SCLT1: variants seen among roughly 807,000 people sequenced by gnomAD.
SCLT1 encodes sodium channel and clathrin linker 1.
SCLT1 carries 78 observed loss-of-function variants against 112.8 expected under a neutral mutation model. The ratio of observed to expected loss-of-function variants is 0.69; its 90% confidence interval spans 0.58 to 0.83. The LOEUF (loss-of-function observed/expected upper bound fraction) is 0.83. Among genes scored for constraint, SCLT1 ranks in the 40% least tolerant of loss-of-function variants. The pLI, the probability that SCLT1 is intolerant of heterozygous loss-of-function variation, is 0.00. For missense variants in SCLT1, 747 were observed against 770.4 expected (o/e 0.97, Z 0.36); for synonymous variants, 257 against 254.7 (o/e 1.01, Z -0.09).
chr4:128,996,511 C>G lies in SCLT1; in HGVS notation c.615+1363G>C, dbSNP rs538476672. On this transcript the variant is annotated intron_variant, in intron 8 of 20. Coordinates refer to ENST00000281142, the MANE Select transcript of SCLT1 (RefSeq NM_144643.4). ...AGTTTGATCTTGACTCATACTTGCC[C>G]CCATAACTATGTTCTGAATGCTCTT... Among the ~76,000 whole-genome samples, 17 of 152,072 alleles carry G rather than the reference C, an allele frequency of 1.1e-4. No homozygotes were observed. In the South Asian group the frequency reaches 3.5e-3, roughly 32 times the overall value.
chr4:129,014,182 T>C (rs1285920168), intron 5 of SCLT1, among the ~76,000 whole-genome samples: 1 of 151,968 alleles, frequency 6.6e-6, no homozygotes. Flanking sequence ...TTTTCTATAC[T>C]GGCTATTTTT....
intron 6 of SCLT1, among the ~76,000 whole-genome samples, chr4:129,002,643 C>T (rs1334067338): frequency 6.6e-6 from 1 of 151,766 alleles, no homozygotes; most frequent in Non-Finnish European, 1.5e-5. Flanking sequence ...AGACACTTCT[C>T]AAAAGAAGAT....
chr4:128,883,295 G>A (rs1481844193), downstream of SCLT1, among the ~76,000 whole-genome samples: 1 of 151,942 alleles, frequency 6.6e-6, no homozygotes, highest in Admixed American at 6.6e-5. Context: ...GGAGGAAGCT[G>A]AAGAGATTGC....
At chr4:129,071,863 G>T (rs371786020) in intron 2 of SCLT1, among the ~76,000 whole-genome samples, 32 of 152,038 alleles carry the variant, frequency 2.1e-4, no homozygotes, top group African/African-American at 7.0e-4. Context: ...GTGTACTTTG[G>T]TTTTTTTGTT....
chr4:129,047,067 T>C (rs1420152133), intron 2 of SCLT1, among the ~76,000 whole-genome samples: 1 of 152,118 alleles, frequency 6.6e-6, no homozygotes, highest in Admixed American at 6.6e-5. Context: ...CTCCATTCCA[T>C]AGCTTGTCTT....
chr4:128,884,880 C>T (rs1020734101), intron 20 of SCLT1, among the ~76,000 whole-genome samples: 1 of 152,156 alleles, frequency 6.6e-6, no homozygotes, highest in Non-Finnish European at 1.5e-5. Flanking sequence ...CTCTTGGGCT[C>T]AAGCAATCCA....
At chr4:128,919,142 A>C (rs542148976) in intron 18 of SCLT1, among the ~76,000 whole-genome samples, 4 of 152,136 alleles carry the variant, frequency 2.6e-5, no homozygotes, top group Non-Finnish European at 5.9e-5. Flanking sequence ...TCATCTGCAC[A>C]TGGCACATAC....
In SCLT1 at chr4:128,930,801, C is replaced by T. The variant is rs563156462; in HGVS notation, c.1829+5854G>A. On this transcript the variant is annotated intron_variant, in intron 18 of 20. Coordinates refer to ENST00000281142, the MANE Select transcript of SCLT1 (RefSeq NM_144643.4). ...ACAAGACATATGGTAAATGTTCTAT[C>T]GACAGTTACAAAACGAGGGCAAATA... Among the ~76,000 whole-genome samples, 161 of 152,096 alleles carry T rather than the reference C, an allele frequency of 1.1e-3. 1 individual carries two copies. Among genetic ancestry groups the T allele is most frequent in the African/African-American group, 3.7e-3 (155 of 41,496 alleles).
At chr4:129,025,744 C>T (rs970658622) in intron 5 of SCLT1, among the ~76,000 whole-genome samples, 20 of 152,084 alleles carry the variant, frequency 1.3e-4, no homozygotes, top group Non-Finnish European at 2.8e-4. Flanking sequence ...AATTAAAAGA[C>T]ACAGACAGGC....
chr4:129,076,855 A>G (rs1027514552), intron 2 of SCLT1, among the ~76,000 whole-genome samples: 2 of 152,162 alleles, frequency 1.3e-5, no homozygotes, highest in Non-Finnish European at 2.9e-5. Context: ...CAAAATAATC[A>G]AAGACAACTG....
intron 18 of SCLT1, among the ~76,000 whole-genome samples, chr4:128,905,126 C>T (rs1281586787): frequency 6.6e-6 from 1 of 152,156 alleles, no homozygotes; most frequent in Non-Finnish European, 1.5e-5. Context: ...TCAAATGTAA[C>T]CTGTCCAAAA....
Position 129,044,032 on chromosome 4 carries a change from TCTC to T in SCLT1, c.119_121del (p.Gly40del), listed in dbSNP as rs1484579312. 6.4e-7 allele frequency: 1 copy of T among 1,569,464 alleles called. No homozygotes were observed. Among genetic ancestry groups the T allele is most frequent in the African/African-American group, 1.4e-5 (1 of 73,716 alleles). ...TAGGTTTTCAAATGTGTCGTCTCCT[TCTC>T]CTTGGCAGACAGCTTTCTATAAAAG... On this transcript the variant is annotated inframe_deletion, in exon 3 of 21. Transcript: ENST00000281142.
At chr4:129,076,844 A>G (rs1751509389) in intron 2 of SCLT1, among the ~76,000 whole-genome samples, 2 of 152,160 alleles carry the variant, frequency 1.3e-5, no homozygotes, top group African/African-American at 4.8e-5. Flanking sequence ...TATAGAAAAC[A>G]CAAAATAATC....
chr4:129,013,778 T>C (rs529881280), intron 5 of SCLT1, among the ~76,000 whole-genome samples: 1 of 152,346 alleles, frequency 6.6e-6, no homozygotes, highest in South Asian at 2.1e-4. Flanking sequence ...CTGATGATTA[T>C]GTGTCTTGCG....
chr4:128,896,711 C>T (rs144354986), intron 18 of SCLT1, among the ~76,000 whole-genome samples: 183 of 151,924 alleles, frequency 1.2e-3, no homozygotes, highest in African/African-American at 4.0e-3. Context: ...AGGCTTCAGA[C>T]GATCAAACTA....
chr4:128,946,204 TA>T, intron 15 of SCLT1, 52 bp from the exon 16 acceptor site: 1 of 1,232,730 alleles, frequency 8.1e-7, no homozygotes, highest in East Asian at 2.4e-5. Flanking sequence ...ACTGTCTTAA[TA>T]AACAGTTTAG....
At chr4:128,975,814 G>C (rs1741122762) in intron 9 of SCLT1, among the ~76,000 whole-genome samples, 1 of 152,040 alleles carries the variant, frequency 6.6e-6, no homozygotes, top group Non-Finnish European at 1.5e-5. Flanking sequence ...ACTGCTTTTA[G>C]GAAACTGAGT....
intron 14 of SCLT1, among the ~76,000 whole-genome samples, chr4:128,950,738 C>T (rs1738656269): frequency 6.6e-6 from 1 of 152,022 alleles, no homozygotes; most frequent in Admixed American, 6.6e-5. Context: ...AAAAAAAAGA[C>T]TTCCAAAAAA....
At chr4:128,883,555 T>C (rs889614150), downstream of SCLT1, among the ~76,000 whole-genome samples, 1 of 152,124 alleles carries the variant, frequency 6.6e-6, no homozygotes, top group Non-Finnish European at 1.5e-5. Context: ...TAAAATATGA[T>C]AATAATAATA....
Sources: gnomAD v4.1 joint callset for allele counts (sites outside exome capture counted in the v4.1 genomes callset) on GRCh38, gnomAD v4.1.1 for gene constraint, MANE v1.5 for transcripts, NCBI Gene and HGNC (gene_info 2026-07-23, HGNC 2026-07-21) for gene names.